CEP164: variants seen among roughly 807,000 people sequenced by gnomAD.
The protein encoded by CEP164 is centrosomal protein of 164 kDa.
Under a neutral mutation model 182.7 loss-of-function variants are expected in CEP164, and 162 were observed. The ratio of observed to expected loss-of-function variants is 0.89; its 90% CI spans 0.78 to 1.01. CEP164 has a LOEUF of 1.01. CEP164 is among the 50% of genes least tolerant of loss of function. The pLI is 0.00. For missense variants in CEP164, 1,735 were observed against 1,790.4 expected (o/e 0.97, Z 0.56); for synonymous variants, 661 against 690.0 (o/e 0.96, Z 0.66).
At chr11:117,362,689 T>C in intron 7 of CEP164, 151 bp downstream of exon 7, 2 of 776,854 alleles carry the variant, frequency 2.6e-6, no homozygotes, top group Non-Finnish European at 4.1e-6. Flanking sequence ...TTAATTACCT[T>C]CACAATGTGT....
intron 17 of CEP164, among the ~76,000 whole-genome samples, chr11:117,391,595 A>G (rs2044662386): frequency 6.6e-6 from 1 of 152,088 alleles, no homozygotes; most frequent in South Asian, 2.1e-4. Flanking sequence ...AGGTTTTGAG[A>G]CAAAGGCGCT....
chr11:117,339,245 AGG>A, intron 3 of CEP164, among the ~76,000 whole-genome samples: 1 of 152,328 alleles, frequency 6.6e-6, no homozygotes, highest in South Asian at 2.1e-4. Flanking sequence ...TGACCCACAA[AGG>A]GTAAGATAGT....
intron 3 of CEP164, among the ~76,000 whole-genome samples, chr11:117,342,383 C>T (rs1371712489): frequency 6.6e-6 from 1 of 152,184 alleles, no homozygotes; most frequent in Non-Finnish European, 1.5e-5. Context: ...CCAGCTTAAG[C>T]ATTGATGTCA....
intron 13 of CEP164, chr11:117,382,593 G>A (rs893640427): frequency 3.7e-5 from 22 of 590,130 alleles, no homozygotes; most frequent in Non-Finnish European, 6.5e-5. Flanking sequence ...TGCTTCCATT[G>A]TGAGGCAGGA....
At chr11:117,397,459 TTGGCA>T in intron 27 of CEP164, 146 bp downstream of exon 27, 2 of 669,292 alleles carry the variant, frequency 3.0e-6, no homozygotes, top group Non-Finnish European at 5.1e-6. Context: ...TTATATTTAC[TTGGCA>T]ATGCATAGTA....
chr11:117,355,390 T>G (rs1592123432), intron 5 of CEP164: 1 of 1,289,766 alleles, frequency 7.8e-7, no homozygotes. Flanking sequence ...ATATGCAGGA[T>G]GTGGTAGAAA....
intron 5 of CEP164, among the ~76,000 whole-genome samples, chr11:117,358,757 C>A (rs938184125): frequency 6.6e-6 from 1 of 151,926 alleles, no homozygotes; most frequent in Non-Finnish European, 1.5e-5. Flanking sequence ...TGGTCTTGTA[C>A]CCCTGGCCTA....
chr11:117,371,346 A>G lies in CEP164; in HGVS notation c.1032A>G (p.Glu344=). ...GCAGTGAGCCTGCCAAAGCCTCTGA[A>G]AAGGAAGCACCAGAGGACACAGTAG... is the stretch of plus-strand genomic sequence containing the variant. The part of the protein sequence containing the change: ...PTGSEPAKAS[E]KEAPEDTVDA... The change falls in exon 9 of 33, where the codon GAA becomes GAG. Residue 344 remains glutamate (E), a synonymous_variant. Transcript: ENST00000278935. The G allele has an allele frequency of 6.2e-7, 1 of 1,614,224 alleles. No individual in the cohort carries two copies. Among genetic ancestry groups the G allele is most frequent in the Middle Eastern group, 1.6e-4 (1 of 6,062 alleles).
chr11:117,338,003 C>T (rs561930935), intron 2 of CEP164, among the ~76,000 whole-genome samples: 18 of 152,184 alleles, frequency 1.2e-4, no homozygotes, highest in African/African-American at 4.3e-4. Context: ...TCCTTCCTTC[C>T]TTTTTTTGGG....
Position 117,382,936 on chromosome 11 carries a change from C to T in CEP164, c.1718C>T (p.Pro573Leu). 1 of 1,613,206 alleles carries T rather than the reference C, an allele frequency of 6.2e-7. No individual in the cohort carries two copies. Among genetic ancestry groups the T allele is most frequent in the Non-Finnish European group, 8.5e-7 (1 of 1,179,888 alleles). Reference sequence around the variant, plus strand: ...GTCAGCCCCACCCCGCCAGTCTCTCCAGAGGTGTAAGGGCCAGTTTTGTGT... The same window carrying T: ...GTCAGCCCCACCCCGCCAGTCTCTCTAGAGGTGTAAGGGCCAGTTTTGTGT... ...VAVSPTPPVS[P>L]EVRSTEPVAP... Residue 573 changes from proline to leucine, a missense_variant, in exon 14 of 33, where the codon CCA becomes CTA. Physicochemically the swap from Pro to Leu is moderately conservative, Grantham distance 98. Transcript: ENST00000278935.
At chr11:117,401,176 A>T (rs188635940) in intron 27 of CEP164, among the ~76,000 whole-genome samples, 5 of 152,290 alleles carry the variant, frequency 3.3e-5, no homozygotes, top group Non-Finnish European at 7.3e-5. Context: ...TACCTAGTTT[A>T]TTCAAAGTTT....
chr11:117,355,793 C>T, intron 5 of CEP164: 3 of 1,106,418 alleles, frequency 2.7e-6, no homozygotes, highest in Non-Finnish European at 3.3e-6. Flanking sequence ...GCCCAGTGAC[C>T]CTGAGGCTCT....
chr11:117,387,446 G>A (rs1170727903), intron 15 of CEP164, 34 bp downstream of exon 15: 1 of 1,603,894 alleles, frequency 6.2e-7, no homozygotes, highest in East Asian at 2.2e-5. Context: ...GCTTCCTGGG[G>A]CCTTTCAGGG....
At chr11:117,383,059 G>A (rs972857739) in intron 14 of CEP164, 117 bp downstream of exon 14, 4 of 1,182,530 alleles carry the variant, frequency 3.4e-6, no homozygotes, top group African/African-American at 3.1e-5. Flanking sequence ...GGGTTAGAGT[G>A]TAGGGAGATT....
intron 14 of CEP164, among the ~76,000 whole-genome samples, chr11:117,383,695 G>T (rs1250193837): frequency 6.6e-6 from 1 of 152,194 alleles, no homozygotes; most frequent in Non-Finnish European, 1.5e-5. Context: ...GCTCAGAGAA[G>T]TGAAGGGATT....
rs149964584 is a variant in CEP164, at chr11:117,397,247, G to T, written c.3435G>T (p.Ala1145=). Residue 1145 remains alanine (A), a synonymous_variant, in exon 27 of 33, where the codon GCG becomes GCT. Coordinates refer to ENST00000278935, the MANE Select transcript of CEP164 (RefSeq NM_014956.5). ...QQHWRHELAS[A]QEVAKDPPGI... is the part of the protein sequence containing the mutation. ...ATTGGCGCCATGAGCTGGCCAGTGC[G>T]CAGGAGGTGGCCAAAGACCCACCAG... The T allele has an allele frequency of 8.7e-6, 14 of 1,614,044 alleles. No individual in the cohort carries two copies. Among genetic ancestry groups the T allele is most frequent in the Non-Finnish European group, 1.1e-5 (13 of 1,180,038 alleles).
intron 3 of CEP164, among the ~76,000 whole-genome samples, chr11:117,341,128 T>C (rs1285146642): frequency 2.0e-5 from 3 of 152,160 alleles, no homozygotes; most frequent in Admixed American, 2.0e-4. Context: ...CACCTAGCCA[T>C]GAATGGCCTG....
intron 8 of CEP164, among the ~76,000 whole-genome samples, chr11:117,370,853 G>C (rs2042129442): frequency 6.6e-6 from 1 of 152,148 alleles, no homozygotes; most frequent in Non-Finnish European, 1.5e-5. Flanking sequence ...AGAGGTTGCA[G>C]TGAGCTGAGA....
intron 27 of CEP164, 76 bp downstream of exon 27, chr11:117,397,389 T>A (rs1307436574): frequency 1.5e-6 from 2 of 1,376,626 alleles, no homozygotes; most frequent in African/African-American, 2.9e-5. Flanking sequence ...TCCTTTGGGC[T>A]CCCCCTCAGT....
Sources: allele counts gnomAD v4.1 joint callset (sites outside exome capture counted in the v4.1 genomes callset), GRCh38; gene constraint gnomAD v4.1.1; transcripts MANE v1.5; gene names NCBI Gene and HGNC (gene_info 2026-07-23, HGNC 2026-07-21).